IMMP2L: variants seen among roughly 807,000 people sequenced by gnomAD.
IMMP2L encodes inner mitochondrial membrane peptidase subunit 2, also known as mitochondrial inner membrane protease subunit 2.
A neutral mutation model predicts 19.3 loss-of-function variants in IMMP2L; 18 were observed. The ratio of observed to expected loss-of-function variants is 0.93; its 90% CI spans 0.64 to 1.38. IMMP2L has a LOEUF of 1.38. Among genes scored for constraint, IMMP2L ranks in the 40% most tolerant of loss-of-function variants. The pLI is 0.00. For synonymous variants in IMMP2L, 76 were observed against 73.0 expected (o/e 1.04, Z -0.21); for missense variants, 233 against 218.2 (o/e 1.07, Z -0.43).
At chr7:111,259,098 A>G (rs1235769596) in intron 3 of IMMP2L, among the ~76,000 whole-genome samples, 2 of 151,946 alleles carry the variant, frequency 1.3e-5, no homozygotes, top group African/African-American at 4.8e-5. Flanking sequence ...ATAGCTAAAC[A>G]TATCTAACAT....
chr7:111,316,882 G>A (rs893520884), intron 3 of IMMP2L, among the ~76,000 whole-genome samples: 15 of 114,444 alleles, frequency 1.3e-4, no homozygotes, highest in African/African-American at 4.5e-4. Context: ...ATGGAGTCTC[G>A]CTATGTCGCC....
chr7:111,392,952 TAA>T (rs747553944), intron 3 of IMMP2L: 74 of 414,620 alleles, frequency 1.8e-4, no homozygotes, highest in Non-Finnish European at 3.2e-4. Context: ...TCGCCAATTA[TAA>T]AAGTCTCAGA....
intron 5 of IMMP2L, among the ~76,000 whole-genome samples, chr7:110,720,020 T>C (rs976947228): frequency 9.2e-5 from 14 of 152,286 alleles, no homozygotes; most frequent in African/African-American, 2.9e-4. Flanking sequence ...GTTTGAAGTC[T>C]AAAAACCACA....
At chr7:110,764,248 CA>C (rs1798524057) in intron 5 of IMMP2L, among the ~76,000 whole-genome samples, 1 of 151,754 alleles carries the variant, frequency 6.6e-6, no homozygotes, top group African/African-American at 2.4e-5. Flanking sequence ...TAAAGATGAA[CA>C]AAAAAAGTAC....
intron 3 of IMMP2L, among the ~76,000 whole-genome samples, chr7:111,185,217 A>T (rs1393758700): frequency 6.6e-6 from 1 of 152,174 alleles, no homozygotes; most frequent in Non-Finnish European, 1.5e-5. Flanking sequence ...CTAAAGCTCC[A>T]AACAAAAATA....
chr7:111,114,738 C>CAAAA (rs567078227), intron 3 of IMMP2L, among the ~76,000 whole-genome samples: 3 of 62,532 alleles, frequency 4.8e-5, no homozygotes, highest in South Asian at 5.9e-4. Flanking sequence ...GACTCCATCT[C>CAAAA]AAAAAAAAAA....
intron 3 of IMMP2L, among the ~76,000 whole-genome samples, chr7:111,469,313 G>T (rs996911348): frequency 4.6e-5 from 7 of 152,068 alleles, no homozygotes; most frequent in African/African-American, 1.7e-4. Context: ...TAGCTTGATG[G>T]GGATGGCACT....
At chr7:110,896,332 T>C (rs992858063) in intron 4 of IMMP2L, among the ~76,000 whole-genome samples, 1 of 152,212 alleles carries the variant, frequency 6.6e-6, no homozygotes, top group African/African-American at 2.4e-5. Flanking sequence ...AAGGTGTAGA[T>C]ACCATAATTA....
chr7:111,549,496 T>G (rs1849244323), intron 1 of IMMP2L, among the ~76,000 whole-genome samples: 1 of 152,194 alleles, frequency 6.6e-6, no homozygotes, highest in Non-Finnish European at 1.5e-5. Flanking sequence ...TTAAAGCCTA[T>G]TTTTTAACTT....
chr7:110,957,539 T>G (rs1045480951), intron 4 of IMMP2L, among the ~76,000 whole-genome samples: 3 of 151,922 alleles, frequency 2.0e-5, no homozygotes, highest in African/African-American at 7.2e-5. Flanking sequence ...ATCATACTAC[T>G]CCATGGCTCG....
At position 110,763,863 on chromosome 7, in the gene IMMP2L, G is replaced by C. The variant is rs1224932214; in HGVS notation, c.409-100142C>G. ...ATATGGGTGCTTCTAAAGTGCTTAA[G>C]GGTGTTTAATATAATTTGTTCTTCC... On this transcript the variant is annotated intron_variant, in intron 5 of 5. Coordinates refer to ENST00000405709, the MANE Select transcript of IMMP2L (RefSeq NM_032549.4). Among the ~76,000 whole-genome samples, 3 of 152,202 alleles carry C rather than the reference G, an allele frequency of 2.0e-5. No homozygotes were observed. The East Asian group carries it at 5.8e-4, about 29-fold the overall frequency.
At chr7:110,776,184 T>TCA (rs200657313) in intron 5 of IMMP2L, among the ~76,000 whole-genome samples, 1,712 of 152,156 alleles carry the variant, frequency 0.011, 37 homozygotes, top group African/African-American at 0.04. Context: ...TCCAGGGCAG[T>TCA]TAGCATCAGA....
intron 5 of IMMP2L, among the ~76,000 whole-genome samples, chr7:110,739,670 C>T (rs1220160669): frequency 6.6e-6 from 1 of 152,114 alleles, no homozygotes; most frequent in African/African-American, 2.4e-5. Flanking sequence ...AGAAAGTCAA[C>T]AGAGAAACAG....
chr7:110,981,278 AAAG>A (rs2129558077), intron 3 of IMMP2L, among the ~76,000 whole-genome samples: 1 of 152,218 alleles, frequency 6.6e-6, no homozygotes, highest in Admixed American at 6.5e-5. Context: ...AAAAAGAAAA[AAAG>A]AAAATTATTG....
At chr7:111,153,421 T>A (rs922976048) in intron 3 of IMMP2L, among the ~76,000 whole-genome samples, 3 of 152,084 alleles carry the variant, frequency 2.0e-5, no homozygotes, top group African/African-American at 4.8e-5. Flanking sequence ...AACTTTCTGT[T>A]AGTTAATAGG....
At chr7:110,963,804 A>G (rs1440505000) in intron 3 of IMMP2L, among the ~76,000 whole-genome samples, 1 of 152,028 alleles carries the variant, frequency 6.6e-6, no homozygotes, top group East Asian at 1.9e-4. Flanking sequence ...AAAAATAAAA[A>G]ATACAGAGGA....
intron 1 of IMMP2L, among the ~76,000 whole-genome samples, chr7:111,553,255 T>C (rs184870703): frequency 6.6e-5 from 10 of 152,268 alleles, no homozygotes; most frequent in Admixed American, 4.6e-4. Context: ...ACCCAGTCTT[T>C]AGGCTTTAGG....
intron 3 of IMMP2L, among the ~76,000 whole-genome samples, chr7:111,015,177 GACAA>G (rs1825374456): frequency 1.3e-5 from 2 of 152,190 alleles, no homozygotes; most frequent in South Asian, 2.1e-4. Flanking sequence ...CAGAAGAATG[GACAA>G]ACAAATGTGA....
chr7:111,307,707 C>A (rs1435701955), intron 3 of IMMP2L, among the ~76,000 whole-genome samples: 1 of 151,498 alleles, frequency 6.6e-6, no homozygotes, highest in Non-Finnish European at 1.5e-5. Flanking sequence ...TGTTTTTATT[C>A]CTTGAGAGAA....
Sources: allele counts gnomAD v4.1 joint callset (sites outside exome capture counted in the v4.1 genomes callset), GRCh38; gene constraint gnomAD v4.1.1; transcripts MANE v1.5; gene names NCBI Gene and HGNC (gene_info 2026-07-23, HGNC 2026-07-21).